The following RRP15 variants were observed in gnomAD, a reference collection of about 807,000 sequenced individuals.
The protein encoded by RRP15 is ribosomal RNA processing 15 homolog.
In RRP15, 18 loss-of-function variants were observed where a neutral mutation model predicts 27.1. That is an observed-to-expected ratio of 0.66 (90% confidence interval 0.46 to 0.98). RRP15 has a LOEUF of 0.98. Ranked by LOEUF, RRP15 falls within the 50% of genes least tolerant of loss-of-function variation. The probability of loss-of-function intolerance (pLI) is 0.00; values close to 1 mark genes in which losing one functional copy is unlikely to be tolerated. For missense variants in RRP15, 359 were observed against 337.8 expected (o/e 1.06, Z -0.49); for synonymous variants, 107 against 109.4 (o/e 0.98, Z 0.14).
chr1:218,323,661 C>G (rs796504420), intron 4 of RRP15, among the ~76,000 whole-genome samples: 3 of 152,314 alleles, frequency 2.0e-5, no homozygotes, highest in African/African-American at 7.2e-5. Context: ...GGCGCCCAGA[C>G]TGTTCTGGCC....
Position 218,333,419 on chromosome 1 carries a change from C to T in RRP15, c.*2328C>T, listed in dbSNP as rs1656403129. Reference sequence around the variant, plus strand: ...TGTCACCCCTATTCTAAATATTTTACCTACAACATTTAAATTATTCTGATA... The same window carrying T: ...TGTCACCCCTATTCTAAATATTTTATCTACAACATTTAAATTATTCTGATA... On this transcript the variant is annotated 3_prime_UTR_variant, in exon 5 of 5. Transcript: ENST00000366932. The T allele has an allele frequency of 6.6e-6, 1 of 152,124 alleles. No homozygotes were observed. Among genetic ancestry groups the T allele is most frequent in the African/African-American group, 2.4e-5 (1 of 41,410 alleles). The allele number at this position is 152,124 out of a possible 1,614,324, so 9.4% of individuals were successfully genotyped here.
chr1:218,324,100 C>T (rs1263917316), intron 4 of RRP15, among the ~76,000 whole-genome samples: 3 of 152,216 alleles, frequency 2.0e-5, no homozygotes, highest in African/African-American at 2.4e-5. Flanking sequence ...CTCCTCTTGG[C>T]CCCTCTCAGC....
chr1:218,325,428 C>T (rs1031947795), intron 4 of RRP15, among the ~76,000 whole-genome samples: 1 of 152,108 alleles, frequency 6.6e-6, no homozygotes, highest in African/African-American at 2.4e-5. Context: ...TTGGGGACCT[C>T]GTATGTCTGA....
At chr1:218,301,700 A>G (rs1170092916) in intron 1 of RRP15, 1 of 150,994 alleles carries the variant, frequency 6.6e-6, no homozygotes, top group Admixed American at 6.6e-5. Context: ...TTGTTAGATA[A>G]TTTTTTTTTC....
intron 4 of RRP15, among the ~76,000 whole-genome samples, chr1:218,315,136 T>A (rs921831700): frequency 1.3e-5 from 2 of 152,142 alleles, no homozygotes; most frequent in African/African-American, 4.8e-5. Flanking sequence ...ACTTTAAATG[T>A]CATACATAGA....
chr1:218,320,395 A>T (rs1417588408), intron 4 of RRP15, among the ~76,000 whole-genome samples: 1 of 152,092 alleles, frequency 6.6e-6, no homozygotes, highest in Non-Finnish European at 1.5e-5. Context: ...TGAACTCATC[A>T]TTTTTTATGG....
chr1:218,315,600 T>A (rs1209029545), intron 4 of RRP15, among the ~76,000 whole-genome samples: 1 of 149,298 alleles, frequency 6.7e-6, no homozygotes, highest in African/African-American at 2.6e-5. Context: ...GCTTTATTTT[T>A]TTATTATTTT....
rs987063840 is a variant in RRP15 at position 218,316,930 on chromosome 1, C to A, written c.705+9298C>A. On this transcript the variant is annotated intron_variant, in intron 4 of 4. Transcript: ENST00000366932. ...GTTTAGATTTGGATATTCTCACTCA[C>A]GTTAGGTGTGATGGCTCTAGTAATG... 2.6e-5 allele frequency among the ~76,000 whole-genome samples: 4 copies of A among 152,292 alleles called. No individual in the cohort carries two copies. In the East Asian group the frequency reaches 5.8e-4, roughly 22 times the overall value.
At chr1:218,289,955 T>A (rs908697619) in intron 1 of RRP15, among the ~76,000 whole-genome samples, 1 of 152,218 alleles carries the variant, frequency 6.6e-6, no homozygotes, top group Non-Finnish European at 1.5e-5. Flanking sequence ...GTGCTGGGAT[T>A]ACAGGCATGA....
At position 218,307,588 on chromosome 1, in the gene RRP15, A is replaced by G; in HGVS notation, c.661A>G (p.Thr221Ala). 6.2e-7 allele frequency: 1 copy of G among 1,614,044 alleles called. No individual in the cohort carries two copies. The highest frequency in any genetic ancestry group is 1.3e-5 in the African/African-American group (1 of 75,068). ...ISVLRGMDGS[T>A]NETASSRKKP... ...TGTTTTGAGAGGGATGGATGGAAGTACAAATGAGACTGCTTCAAGCAGGAA... is the reference window on the plus strand; with the variant it reads ...TGTTTTGAGAGGGATGGATGGAAGTGCAAATGAGACTGCTTCAAGCAGGAA... Residue 221 changes from threonine to alanine, a missense_variant, in exon 4 of 5, where the codon ACA becomes GCA. By Grantham distance (58) the Thr-to-Ala change is moderately conservative (BLOSUM62 0). Coordinates refer to ENST00000366932, the MANE Select transcript of RRP15 (RefSeq NM_016052.4).
At chr1:218,294,805 T>C (rs935054146) in intron 1 of RRP15, among the ~76,000 whole-genome samples, 3 of 152,182 alleles carry the variant, frequency 2.0e-5, no homozygotes, top group African/African-American at 7.2e-5. Flanking sequence ...GTGCATCTGG[T>C]GACCAGCCCT....
intron 4 of RRP15, among the ~76,000 whole-genome samples, chr1:218,312,430 T>A (rs1440608520): frequency 2.0e-5 from 3 of 152,138 alleles, no homozygotes; most frequent in African/African-American, 7.2e-5. Flanking sequence ...ATTTTATTTA[T>A]ATTTTTGTGA....
At chr1:218,287,388 T>G (rs946949092) in intron 1 of RRP15, among the ~76,000 whole-genome samples, 2 of 152,216 alleles carry the variant, frequency 1.3e-5, no homozygotes, top group Non-Finnish European at 2.9e-5. Flanking sequence ...CTCTTGCTGT[T>G]ATAGATCAGC....
intron 4 of RRP15, among the ~76,000 whole-genome samples, chr1:218,318,277 A>G (rs573536860): frequency 6.6e-6 from 1 of 152,320 alleles, no homozygotes; most frequent in Admixed American, 6.5e-5. Flanking sequence ...ATGTTCATAT[A>G]CCATACAATT....
chr1:218,314,744 G>A (rs566384194), intron 4 of RRP15, among the ~76,000 whole-genome samples: 1 of 151,994 alleles, frequency 6.6e-6, no homozygotes, highest in Non-Finnish European at 1.5e-5. Flanking sequence ...TGTAATCTCA[G>A]CACTTTGGGA....
At chr1:218,328,914 T>G (rs913840735) in intron 4 of RRP15, among the ~76,000 whole-genome samples, 4 of 152,124 alleles carry the variant, frequency 2.6e-5, no homozygotes, top group Admixed American at 2.6e-4. Flanking sequence ...CACACTGAGA[T>G]TGTACTTGTT....
chr1:218,332,772 C>T lies in RRP15; in HGVS notation c.*1681C>T, dbSNP rs1656393466. 1 of 147,716 alleles carries T rather than the reference C, an allele frequency of 6.8e-6. No individual in the cohort carries two copies. The highest frequency in any genetic ancestry group is 2.5e-5 in the African/African-American group (1 of 40,064). 9.2% of individuals were successfully genotyped at this position (147,716 alleles called of 1,614,324 possible). ...GTCTTTCAGTATAAATAAATGTGAA[C>T]AAATATACCTCAGTAGTAATACAGG... On this transcript the variant is annotated 3_prime_UTR_variant, in exon 5 of 5. Coordinates refer to ENST00000366932, the MANE Select transcript of RRP15 (RefSeq NM_016052.4).
intron 4 of RRP15, among the ~76,000 whole-genome samples, chr1:218,329,309 A>G (rs1656328860): frequency 6.7e-6 from 1 of 148,816 alleles, no homozygotes; most frequent in Non-Finnish European, 1.5e-5. Flanking sequence ...AGTCCCAGCT[A>G]CTCTGGAGGC....
chr1:218,329,237 C>CAAAAAAAAAAAAA (rs1164512474), intron 4 of RRP15, among the ~76,000 whole-genome samples: 3 of 53,552 alleles, frequency 5.6e-5, no homozygotes, highest in East Asian at 8.4e-4. Context: ...CCTGTCTCTA[C>CAAAAAAAAAAAAA]AAAAAAAAAA....
Sources: allele counts gnomAD v4.1 joint callset (sites outside exome capture counted in the v4.1 genomes callset), GRCh38; gene constraint gnomAD v4.1.1; transcripts MANE v1.5; gene names NCBI Gene and HGNC (gene_info 2026-07-23, HGNC 2026-07-21).